Variants in FIG4 observed in about 807,000 individuals in gnomAD.
FIG4 encodes FIG4 phosphoinositide 5-phosphatase.
Under a neutral mutation model 118.6 loss-of-function variants are expected in FIG4, and 112 were observed. The observed-to-expected ratio is 0.94, with a 90% CI of 0.81 to 1.11. The LOEUF is 1.11. Ranked by LOEUF, FIG4 falls within the 50% of genes least tolerant of loss-of-function variation. The pLI, the probability that FIG4 is intolerant of heterozygous loss-of-function variation, is 0.00. For missense variants in FIG4, 969 were observed against 1,111.7 expected (o/e 0.87, Z 1.83); for synonymous variants, 369 against 381.2 (o/e 0.97, Z 0.37).
chr6:109,811,737 T>A (rs917395037), intron 22 of FIG4, among the ~76,000 whole-genome samples: 1 of 152,046 alleles, frequency 6.6e-6, no homozygotes, highest in African/African-American at 2.4e-5. Context: ...TGCGAGAGAG[T>A]GCTTGGAGCA....
intron 10 of FIG4, among the ~76,000 whole-genome samples, chr6:109,746,759 A>G (rs992066226): frequency 6.6e-6 from 1 of 152,180 alleles, no homozygotes; most frequent in African/African-American, 2.4e-5. Context: ...TGACCTCAAC[A>G]TAGAAAACAA....
intron 13 of FIG4, among the ~76,000 whole-genome samples, chr6:109,764,301 G>T (rs1221603427): frequency 6.6e-6 from 1 of 152,024 alleles, no homozygotes; most frequent in Admixed American, 6.6e-5. Flanking sequence ...ATCCGGGCTT[G>T]GTGGCATGCA....
intron 21 of FIG4, among the ~76,000 whole-genome samples, chr6:109,795,443 A>T (rs1453036333): frequency 1.3e-5 from 2 of 152,094 alleles, no homozygotes; most frequent in African/African-American, 2.4e-5. Context: ...GTAATGATAC[A>T]ATAATTGGTA....
At chr6:109,768,271 A>G (rs746712062) in intron 15 of FIG4, among the ~76,000 whole-genome samples, 3 of 152,182 alleles carry the variant, frequency 2.0e-5, no homozygotes, top group South Asian at 4.1e-4. Flanking sequence ...GAGCCAAGGA[A>G]GGAATTATAA....
chr6:109,814,710 C>T (rs1010798492), intron 22 of FIG4, among the ~76,000 whole-genome samples: 2 of 152,136 alleles, frequency 1.3e-5, no homozygotes, highest in Non-Finnish European at 2.9e-5. Context: ...CTCAGCCTGG[C>T]TTCTGTGTTC....
intron 22 of FIG4, among the ~76,000 whole-genome samples, chr6:109,810,430 C>T (rs1239165835): frequency 6.6e-6 from 1 of 152,150 alleles, no homozygotes; most frequent in Admixed American, 6.6e-5. Context: ...GGCTGCCTTG[C>T]TGGTGCATGG....
rs557370159 is a variant in FIG4 at position 109,691,381 on chromosome 6, C to A, written c.-55C>A. Reference sequence around the variant, plus strand: ...CCTGAGGGGTTTTCTCGCCGAGTCTCCTGGGGCGGTCCGGAGGCTCGTGCC... The same window carrying A: ...CCTGAGGGGTTTTCTCGCCGAGTCTACTGGGGCGGTCCGGAGGCTCGTGCC... On this transcript the variant is annotated 5_prime_UTR_variant, in exon 1 of 23. Transcript: ENST00000230124. 27 of 1,474,396 alleles carry A rather than the reference C, an allele frequency of 1.8e-5. 1 individual carries two copies. The South Asian group carries it at 2.7e-4, about 15-fold the overall frequency. 91.3% of individuals were successfully genotyped at this position (1,474,396 alleles called of 1,614,324 possible). A position where few individuals can be genotyped will look rare whatever the true frequency, so the allele number is the denominator to read the frequency against.
intron 22 of FIG4, among the ~76,000 whole-genome samples, chr6:109,802,495 A>G (rs896231745): frequency 2.6e-5 from 4 of 152,234 alleles, no homozygotes; most frequent in Non-Finnish European, 4.4e-5. Context: ...CATATTATGA[A>G]TAAGTCTTGT....
chr6:109,765,268 T>C, intron 14 of FIG4, 107 bp downstream of exon 14: 2 of 864,322 alleles, frequency 2.3e-6, no homozygotes, highest in Admixed American at 4.2e-5. Flanking sequence ...TTCTCAAAAA[T>C]TATGTTGCTA....
rs34998755 is a variant in FIG4 at position 109,792,736 on chromosome 6, CTT to C, written c.2459+90_2459+91del. 69,599 of 414,138 alleles carry C rather than the reference CTT, an allele frequency of 0.17. 1,280 individuals carry two copies. Among genetic ancestry groups the C allele is most frequent in the African/African-American group, 0.3 (11,957 of 39,598 alleles). The allele number at this position is 414,138 out of a possible 1,614,324, so 25.7% of individuals were successfully genotyped here. On this transcript the variant is annotated intron_variant, in intron 21 of 22. Coordinates refer to ENST00000230124, the MANE Select transcript of FIG4 (RefSeq NM_014845.6). ...TTACAGTAACTTCTAACTACTATAC[CTT>C]TTTTTTTTTTTTTTTTTGGAGACAA... is the stretch of plus-strand genomic sequence containing the variant.
At chr6:109,734,786 T>C (rs975051521) in intron 5 of FIG4, among the ~76,000 whole-genome samples, 3 of 152,122 alleles carry the variant, frequency 2.0e-5, no homozygotes, top group African/African-American at 7.2e-5. Flanking sequence ...GTGGATGTTA[T>C]AGATCTATAA....
chr6:109,786,634 A>G (rs1417695971), intron 18 of FIG4, among the ~76,000 whole-genome samples, 185 bp downstream of exon 18: 4 of 152,020 alleles, frequency 2.6e-5, no homozygotes, highest in Admixed American at 6.6e-5. Context: ...CTATTGTTCT[A>G]TTGACAGTTG....
chr6:109,740,322 C>T (rs1776285674), intron 7 of FIG4, among the ~76,000 whole-genome samples: 1 of 152,102 alleles, frequency 6.6e-6, no homozygotes, highest in South Asian at 2.1e-4. Flanking sequence ...TAAGTTTAAA[C>T]AATGAATCTA....
chr6:109,727,593 T>G (rs1775860904), intron 4 of FIG4, among the ~76,000 whole-genome samples: 1 of 152,164 alleles, frequency 6.6e-6, no homozygotes, highest in South Asian at 2.1e-4. Context: ...AATAATCACA[T>G]AGTCCCAACA....
chr6:109,699,247 A>T (rs536034852), intron 1 of FIG4, among the ~76,000 whole-genome samples: 1 of 152,274 alleles, frequency 6.6e-6, no homozygotes, highest in South Asian at 2.1e-4. Flanking sequence ...TGTTGAATTT[A>T]TTGGCATTAA....
At chr6:109,792,189 G>A (rs1277254051) in intron 20 of FIG4, among the ~76,000 whole-genome samples, 2 of 152,224 alleles carry the variant, frequency 1.3e-5, no homozygotes, top group Admixed American at 1.3e-4. Flanking sequence ...CTGGAATCCA[G>A]CCATGCCTGT....
chr6:109,723,112 T>C (rs1391546350), intron 3 of FIG4, among the ~76,000 whole-genome samples: 1 of 152,248 alleles, frequency 6.6e-6, no homozygotes, highest in Non-Finnish European at 1.5e-5. Flanking sequence ...CTCCACTTTC[T>C]GTATGCCCTT....
intron 22 of FIG4, among the ~76,000 whole-genome samples, chr6:109,798,906 CAAAT>C (rs959147106): frequency 6.6e-6 from 1 of 151,648 alleles, no homozygotes; most frequent in Non-Finnish European, 1.5e-5. Flanking sequence ...TATGGGCTCT[CAAAT>C]GAATTGAAAT....
rs917489106 is a variant in FIG4, at chr6:109,772,699, C to T, written c.1751-4223C>T. Among the ~76,000 whole-genome samples the T allele has an allele frequency of 1.4e-4, 21 of 152,190 alleles. No individual in the cohort carries two copies. In the South Asian group the frequency reaches 2.9e-3, roughly 21 times the overall value. ...AACTCCCGACCTCAGGTGATCTGCC[C>T]GCCTCAGCCTCCCAAAGTGTTAGGA... On this transcript the variant is annotated intron_variant, in intron 15 of 22. Coordinates refer to ENST00000230124, the MANE Select transcript of FIG4 (RefSeq NM_014845.6).
Sources: gnomAD v4.1 joint callset for allele counts (sites outside exome capture counted in the v4.1 genomes callset) on GRCh38, gnomAD v4.1.1 for gene constraint, MANE v1.5 for transcripts, NCBI Gene and HGNC (gene_info 2026-07-23, HGNC 2026-07-21) for gene names.